The following CSMD1 variants were observed in gnomAD, a reference collection of about 807,000 sequenced individuals.
CSMD1 encodes the protein CUB and sushi domain-containing protein 1.
A neutral mutation model predicts 417.5 loss-of-function variants in CSMD1; 213 were observed. That is an observed-to-expected ratio of 0.51 (90% CI 0.46 to 0.57). The LOEUF (loss-of-function observed/expected upper bound fraction) is 0.57, where lower values mean the gene tolerates loss of function less well. Among genes scored for constraint, CSMD1 ranks in the 20% least tolerant of loss-of-function variants. CSMD1 has a pLI of 0.00. For synonymous variants in CSMD1, 2,862 were observed against 1,736.8 expected (o/e 1.65, Z -16.11); for missense variants, 6,923 against 4,529.7 (o/e 1.53, Z -15.17).
At chr8:3,536,972 G>C (rs1460373843) in intron 10 of CSMD1, among the ~76,000 whole-genome samples, 1 of 152,054 alleles carries the variant, frequency 6.6e-6, no homozygotes, top group African/African-American at 2.4e-5. Context: ...ATGCAACATT[G>C]TGCAACAATA....
chr8:3,107,388 A>G (rs1485498064), intron 45 of CSMD1, among the ~76,000 whole-genome samples: 1 of 152,202 alleles, frequency 6.6e-6, no homozygotes, highest in Non-Finnish European at 1.5e-5. Context: ...AACTGAAAGC[A>G]AATATCTGCC....
intron 4 of CSMD1, among the ~76,000 whole-genome samples, chr8:4,005,457 C>T (rs1332038853): frequency 6.6e-6 from 1 of 152,188 alleles, no homozygotes; most frequent in Non-Finnish European, 1.5e-5. Flanking sequence ...ACTGTCTCAA[C>T]ATGGTGGCCG....
At chr8:3,146,478 T>C (rs2129033521) in intron 40 of CSMD1, among the ~76,000 whole-genome samples, 1 of 152,282 alleles carries the variant, frequency 6.6e-6, no homozygotes, top group Admixed American at 6.5e-5. Flanking sequence ...GACTGATATA[T>C]TATATTCCCT....
intron 5 of CSMD1, among the ~76,000 whole-genome samples, chr8:3,919,771 G>T (rs996977583): frequency 7.9e-5 from 12 of 151,996 alleles, no homozygotes; most frequent in African/African-American, 2.7e-4. Context: ...AGGAACACAA[G>T]CTATCTTTCC....
intron 3 of CSMD1, among the ~76,000 whole-genome samples, chr8:4,283,549 A>G (rs1189236158): frequency 1.3e-5 from 2 of 152,224 alleles, no homozygotes; most frequent in African/African-American, 2.4e-5. Context: ...AACTCAAGTT[A>G]TATATGTCGT....
intron 5 of CSMD1, among the ~76,000 whole-genome samples, chr8:3,980,601 T>C (rs2130175941): frequency 6.6e-6 from 1 of 152,344 alleles, no homozygotes; most frequent in African/African-American, 2.4e-5. Flanking sequence ...TTAATTTGTT[T>C]TTTATGCCCC....
At chr8:2,974,691 C>T (rs1804770575) in intron 55 of CSMD1, 67 bp from the exon 56 acceptor site, 2 of 1,192,698 alleles carry the variant, frequency 1.7e-6, no homozygotes, top group Admixed American at 2.6e-5. Context: ...TGGAAAATCT[C>T]CCATACAGAC....
At position 3,419,550 on chromosome 8, in the gene CSMD1, C is replaced by A. The variant is rs12678579; in HGVS notation, c.1562-9945G>T. Among the ~76,000 whole-genome samples the A allele has an allele frequency of 0.021, 3,214 of 152,098 alleles. 244 individuals carry two copies. The East Asian group carries it at 0.22, about 11-fold the overall frequency. On this transcript the variant is annotated intron_variant, in intron 12 of 69. Transcript: ENST00000635120. ...TGTCAGGAGGAGGATATTCAAGTAA[C>A]CCTCAGCTAACTAGGAAATTCTGAA...
At chr8:4,258,818 C>T (rs1246632463) in intron 3 of CSMD1, among the ~76,000 whole-genome samples, 1 of 152,072 alleles carries the variant, frequency 6.6e-6, no homozygotes, top group African/African-American at 2.4e-5. Context: ...GGCACAGCAG[C>T]AGAAAGATCA....
chr8:4,149,008 G>A (rs889360827), intron 3 of CSMD1, among the ~76,000 whole-genome samples: 25 of 149,960 alleles, frequency 1.7e-4, no homozygotes, highest in Non-Finnish European at 2.5e-4. Flanking sequence ...TTGTTGCCCA[G>A]GCTGGAGTGC....
At chr8:3,331,359 C>T (rs961990320) in intron 23 of CSMD1, among the ~76,000 whole-genome samples, 1 of 152,154 alleles carries the variant, frequency 6.6e-6, no homozygotes, top group Non-Finnish European at 1.5e-5. Flanking sequence ...CAAAATCCCA[C>T]ATAATTTCAG....
At chr8:3,894,548 G>C (rs143955117) in intron 5 of CSMD1, among the ~76,000 whole-genome samples, 3 of 152,082 alleles carry the variant, frequency 2.0e-5, no homozygotes, top group African/African-American at 4.8e-5. Context: ...TTCCTCAAAA[G>C]TGTACCTAAA....
At chr8:3,424,018 C>A (rs1348165897) in intron 12 of CSMD1, among the ~76,000 whole-genome samples, 1 of 152,172 alleles carries the variant, frequency 6.6e-6, no homozygotes, top group East Asian at 1.9e-4. Context: ...TCTCTCCAAG[C>A]TCTTCCGTAC....
intron 26 of CSMD1, among the ~76,000 whole-genome samples, chr8:3,273,318 G>C (rs1213097485): frequency 6.6e-6 from 1 of 152,018 alleles, no homozygotes; most frequent in Admixed American, 6.6e-5. Flanking sequence ...TTGATGTGCT[G>C]CTGGATTCGG....
At chr8:3,003,529 T>C (rs192644269) in intron 52 of CSMD1, among the ~76,000 whole-genome samples, 2 of 152,362 alleles carry the variant, frequency 1.3e-5, no homozygotes, top group Admixed American at 1.3e-4. Context: ...TCATGTCCTT[T>C]ACATTGTCTC....
intron 37 of CSMD1, among the ~76,000 whole-genome samples, chr8:3,169,305 A>G (rs1820436324): frequency 6.6e-6 from 1 of 152,222 alleles, no homozygotes; most frequent in African/African-American, 2.4e-5. Flanking sequence ...AGGAGACCAC[A>G]GTCACAGGTA....
chr8:4,768,090 A>T (rs962453796), intron 1 of CSMD1, among the ~76,000 whole-genome samples: 4 of 152,192 alleles, frequency 2.6e-5, no homozygotes, highest in African/African-American at 9.6e-5. Context: ...TCCACCCAGC[A>T]GTTATGTGTT....
At chr8:3,456,395 G>GGGAGCTGTAGACT (rs1474152063) in intron 12 of CSMD1, among the ~76,000 whole-genome samples, 1 of 152,126 alleles carries the variant, frequency 6.6e-6, no homozygotes, top group African/African-American at 2.4e-5. Flanking sequence ...CCCTCACGCT[G>GGGAGCTGTAGACT]GGAGCTGTAG....
intron 3 of CSMD1, among the ~76,000 whole-genome samples, chr8:4,402,031 T>C (rs1168356990): frequency 1.3e-5 from 2 of 152,116 alleles, no homozygotes; most frequent in Non-Finnish European, 2.9e-5. Context: ...TAATTCGTGG[T>C]GACTTCACTA....
Sources: allele counts gnomAD v4.1 joint callset (sites outside exome capture counted in the v4.1 genomes callset), GRCh38; gene constraint gnomAD v4.1.1; transcripts MANE v1.5; gene names NCBI Gene and HGNC (gene_info 2026-07-23, HGNC 2026-07-21).